The following ZFPM2 variants were observed in gnomAD, a reference collection of about 807,000 sequenced individuals.
The protein encoded by ZFPM2 is zinc finger protein ZFPM2.
Under a neutral mutation model 98.6 loss-of-function variants are expected in ZFPM2, and 20 were observed. The observed-to-expected ratio is 0.20, with a 90% CI of 0.14 to 0.29. The LOEUF (loss-of-function observed/expected upper bound fraction) is 0.29. Among genes scored for constraint, ZFPM2 ranks in the 10% least tolerant of loss-of-function variants. The pLI is 1.00. For synonymous variants in ZFPM2, 518 were observed against 502.7 expected (o/e 1.03, Z -0.41); for missense variants, 1,310 against 1,388.6 (o/e 0.94, Z 0.90).
At chr8:105,623,981 A>G (rs1353219043) in intron 4 of ZFPM2, among the ~76,000 whole-genome samples, 3 of 152,170 alleles carry the variant, frequency 2.0e-5, no homozygotes, top group Non-Finnish European at 4.4e-5. Flanking sequence ...GCTTTCCTAT[A>G]TATTTTCTTC....
At chr8:105,690,375 G>C (rs1469074715) in intron 5 of ZFPM2, among the ~76,000 whole-genome samples, 1 of 152,206 alleles carries the variant, frequency 6.6e-6, no homozygotes, top group African/African-American at 2.4e-5. Flanking sequence ...TGAGGAAACA[G>C]ATTTAGCTGG....
At chr8:105,391,206 C>CTTTGTCACCAAAAG (rs1352958971) in intron 1 of ZFPM2, among the ~76,000 whole-genome samples, 1 of 152,198 alleles carries the variant, frequency 6.6e-6, no homozygotes, top group Non-Finnish European at 1.5e-5. Flanking sequence ...CTTCATGTCC[C>CTTTGTCACCAAAAG]TGTGTCACAT....
chr8:105,385,591 A>T (rs1483598356), intron 1 of ZFPM2, among the ~76,000 whole-genome samples: 2 of 152,160 alleles, frequency 1.3e-5, no homozygotes, highest in East Asian at 1.9e-4. Context: ...TAATGTACGT[A>T]TCTTAGTGAA....
intron 3 of ZFPM2, among the ~76,000 whole-genome samples, chr8:105,554,122 ATC>A (rs1814929032): frequency 6.6e-6 from 1 of 152,208 alleles, no homozygotes; most frequent in Non-Finnish European, 1.5e-5. Context: ...TAGAAAAAGT[ATC>A]TCTATAAGGC....
At chr8:105,696,891 T>A (rs1415228408) in intron 5 of ZFPM2, among the ~76,000 whole-genome samples, 1 of 152,126 alleles carries the variant, frequency 6.6e-6, no homozygotes, top group Non-Finnish European at 1.5e-5. Context: ...AAACTGATAA[T>A]CTCTAAATAT....
rs1429018661 is a variant in ZFPM2 at position 105,540,176 on chromosome 8, CATG to C, written c.302-21184_302-21182del. Among the ~76,000 whole-genome samples the C allele has an allele frequency of 4.6e-5, 7 of 152,160 alleles. No homozygotes were observed. In the South Asian group the frequency reaches 1.0e-3, roughly 23 times the overall value. ...AAGCCTATTTTTTAGAATATTCTTA[CATG>C]ATAACAATTCAGTAATACATTTTAA... On this transcript the variant is annotated intron_variant, in intron 3 of 7. Transcript: ENST00000407775.
chr8:105,770,345 G>C (rs187311586), intron 5 of ZFPM2, among the ~76,000 whole-genome samples: 3 of 152,198 alleles, frequency 2.0e-5, no homozygotes, highest in East Asian at 3.9e-4. Context: ...GTAACACCCA[G>C]AGTGTGGGTC....
intron 1 of ZFPM2, among the ~76,000 whole-genome samples, chr8:105,340,770 G>A (rs181164211): frequency 4.6e-5 from 7 of 151,998 alleles, no homozygotes; most frequent in African/African-American, 1.7e-4. Context: ...TTCACAGAAC[G>A]TACATTCTAG....
At chr8:105,498,461 A>G (rs1367686003) in intron 3 of ZFPM2, among the ~76,000 whole-genome samples, 1 of 152,202 alleles carries the variant, frequency 6.6e-6, no homozygotes, top group African/African-American at 2.4e-5. Flanking sequence ...AAAATATTTC[A>G]TGGATAAGAA....
chr8:105,517,710 C>CACACACACACACACACAG (rs1813963869), intron 3 of ZFPM2, among the ~76,000 whole-genome samples: 1 of 95,118 alleles, frequency 1.1e-5, no homozygotes, highest in South Asian at 3.9e-4. Context: ...ACACACACCA[C>CACACACACACACACACAG]ACACACACAC....
chr8:105,725,344 T>C (rs1370334575), intron 5 of ZFPM2, among the ~76,000 whole-genome samples: 7 of 151,892 alleles, frequency 4.6e-5, no homozygotes, highest in Non-Finnish European at 7.4e-5. Flanking sequence ...CTGATACATA[T>C]TGCAAATCAT....
chr8:105,491,853 A>C (rs1302030220), intron 3 of ZFPM2, among the ~76,000 whole-genome samples: 1 of 152,190 alleles, frequency 6.6e-6, no homozygotes, highest in African/African-American at 2.4e-5. Flanking sequence ...AATATGCAAA[A>C]ATTGATTTTT....
At chr8:105,356,876 C>T (rs1303533479) in intron 1 of ZFPM2, among the ~76,000 whole-genome samples, 1 of 152,084 alleles carries the variant, frequency 6.6e-6, no homozygotes, top group East Asian at 1.9e-4. Flanking sequence ...CTTCATCCTG[C>T]TTGTAATTTT....
intron 5 of ZFPM2, among the ~76,000 whole-genome samples, chr8:105,707,265 A>G (rs1811286325): frequency 6.6e-6 from 1 of 151,984 alleles, no homozygotes; most frequent in Non-Finnish European, 1.5e-5. Context: ...AGAAAAAGAA[A>G]AAAAAAGCAT....
chr8:105,509,066 A>G (rs951889524), intron 3 of ZFPM2, among the ~76,000 whole-genome samples: 6 of 152,172 alleles, frequency 3.9e-5, no homozygotes, highest in East Asian at 1.9e-4. Flanking sequence ...AGATACTTTG[A>G]AAGGCCTATA....
intron 3 of ZFPM2, among the ~76,000 whole-genome samples, chr8:105,459,481 A>G (rs1364736547): frequency 1.3e-5 from 2 of 152,142 alleles, no homozygotes; most frequent in African/African-American, 4.8e-5. Flanking sequence ...AATTTGGGGT[A>G]TGTATTGGCC....
intron 5 of ZFPM2, among the ~76,000 whole-genome samples, chr8:105,775,566 T>C (rs1272058783): frequency 6.6e-6 from 1 of 152,180 alleles, no homozygotes; most frequent in East Asian, 1.9e-4. Flanking sequence ...CATCAGTTTA[T>C]TGCAAATTAT....
chr8:105,463,285 A>G (rs535369088), intron 3 of ZFPM2, among the ~76,000 whole-genome samples: 1 of 151,196 alleles, frequency 6.6e-6, no homozygotes, highest in East Asian at 2.0e-4. Context: ...AAAACTATAT[A>G]TGTGTGTGTG....
intron 1 of ZFPM2, among the ~76,000 whole-genome samples, chr8:105,403,937 G>A (rs1811388698): frequency 6.6e-6 from 1 of 151,664 alleles, no homozygotes; most frequent in Admixed American, 6.6e-5. Flanking sequence ...GAACAAAATT[G>A]CCATATACTT....
Sources: allele counts gnomAD v4.1 joint callset (sites outside exome capture counted in the v4.1 genomes callset), GRCh38; gene constraint gnomAD v4.1.1; transcripts MANE v1.5; gene names NCBI Gene and HGNC (gene_info 2026-07-23, HGNC 2026-07-21).